Variants in KIAA0319L observed in about 807,000 individuals in gnomAD.
KIAA0319L encodes KIAA0319 like.
A neutral mutation model predicts 120.1 loss-of-function variants in KIAA0319L; 55 were observed. That is an observed-to-expected ratio of 0.46 (90% CI 0.37 to 0.57). The LOEUF (loss-of-function observed/expected upper bound fraction) is 0.57. Among genes scored for constraint, KIAA0319L ranks in the 20% least tolerant of loss-of-function variants. The pLI is 0.00. For synonymous variants in KIAA0319L, 398 were observed against 471.9 expected (o/e 0.84, Z 2.03); for missense variants, 1,049 against 1,255.3 (o/e 0.84, Z 2.48).
intron 2 of KIAA0319L, among the ~76,000 whole-genome samples, chr1:35,519,671 G>A (rs956897141): frequency 6.6e-6 from 1 of 152,050 alleles, no homozygotes; most frequent in East Asian, 1.9e-4. Flanking sequence ...GGATCTATGT[G>A]CTCAAACCAG....
In KIAA0319L at chr1:35,506,518, G is replaced by T; in HGVS notation, c.666+94C>A. The T allele has an allele frequency of 8.1e-7, 1 of 1,238,542 alleles. No individual in the cohort carries two copies. 76.7% of individuals were successfully genotyped at this position (1,238,542 alleles called of 1,614,324 possible). A position where few individuals can be genotyped will look rare whatever the true frequency, so the allele number is the denominator to read the frequency against. Reference sequence around the variant, plus strand: ...TATATATACACTCCTCAGCCTATGAGCACTGCCCGCAAGCATCAGCTTCAT... The same window carrying T: ...TATATATACACTCCTCAGCCTATGATCACTGCCCGCAAGCATCAGCTTCAT... On this transcript the variant is annotated intron_variant, in intron 3 of 20. Coordinates refer to ENST00000325722, the MANE Select transcript of KIAA0319L (RefSeq NM_024874.5). This position sits in a 1 kb window ranked among gnomAD's most constrained non-coding sequence, Gnocchi z 4.0.
At chr1:35,483,464 T>C (rs1310120333) in intron 3 of KIAA0319L, among the ~76,000 whole-genome samples, 1 of 152,232 alleles carries the variant, frequency 6.6e-6, no homozygotes, top group African/African-American at 2.4e-5. Flanking sequence ...CATTATCTAA[T>C]TGTTCTAGCA....
chr1:35,468,253 G>T (rs970013445), intron 6 of KIAA0319L, among the ~76,000 whole-genome samples: 3 of 150,890 alleles, frequency 2.0e-5, no homozygotes, highest in Non-Finnish European at 4.4e-5. Flanking sequence ...TCTTCTTCTT[G>T]GCTTTTACTT....
In KIAA0319L at chr1:35,453,728, C is replaced by T; in HGVS notation, c.1781-39G>A. The T allele has an allele frequency of 6.3e-7, 1 of 1,594,430 alleles. No individual in the cohort carries two copies. The highest frequency in any genetic ancestry group is 8.6e-7 in the Non-Finnish European group (1 of 1,168,816). On this transcript the variant is annotated intron_variant, in intron 11 of 20. Transcript: ENST00000325722. This position sits in a 1 kb window ranked among gnomAD's most constrained non-coding sequence, Gnocchi z 4.1. ...AGTTAGAGGTCAAAAGCAGCCAGTC[C>T]AGGTGGGAAAGGAGAGGAACCAATT...
intron 2 of KIAA0319L, among the ~76,000 whole-genome samples, chr1:35,513,995 T>C (rs1645578275): frequency 6.6e-6 from 1 of 152,218 alleles, no homozygotes; most frequent in Non-Finnish European, 1.5e-5. Context: ...AAATCCCCTC[T>C]AAAACAATTC....
chr1:35,549,855 CA>C (rs1647133506), intron 2 of KIAA0319L, among the ~76,000 whole-genome samples: 2 of 152,148 alleles, frequency 1.3e-5, no homozygotes, highest in African/African-American at 4.8e-5. Flanking sequence ...ATTCAGTCAA[CA>C]AATATTTTAT....
intron 2 of KIAA0319L, among the ~76,000 whole-genome samples, chr1:35,522,709 T>G (rs1558581598): frequency 6.6e-6 from 1 of 151,916 alleles, no homozygotes; most frequent in East Asian, 1.9e-4. Context: ...CCAAAATCTT[T>G]AACATAACTT....
chr1:35,445,305 GAAAC>G (rs765764309), intron 16 of KIAA0319L, among the ~76,000 whole-genome samples: 2 of 152,128 alleles, frequency 1.3e-5, no homozygotes, highest in Non-Finnish European at 1.5e-5. Flanking sequence ...ATCAATTCCA[GAAAC>G]AAACAAACAA....
At chr1:35,531,721 C>T (rs1478645884) in intron 2 of KIAA0319L, among the ~76,000 whole-genome samples, 2 of 152,168 alleles carry the variant, frequency 1.3e-5, no homozygotes, top group Admixed American at 6.5e-5. Flanking sequence ...CCAATCTTGC[C>T]TGGGTTATCC....
At chr1:35,537,564 T>C (rs1646628300) in intron 2 of KIAA0319L, among the ~76,000 whole-genome samples, 1 of 144,512 alleles carries the variant, frequency 6.9e-6, no homozygotes, top group Non-Finnish European at 1.5e-5. Flanking sequence ...AAAGTTTATA[T>C]CAATTTACCC....
intron 3 of KIAA0319L, among the ~76,000 whole-genome samples, chr1:35,479,947 CAAAAAAAAAAAA>C (rs71062878): frequency 1.2e-4 from 4 of 32,292 alleles, no homozygotes; most frequent in Admixed American, 5.0e-4. Flanking sequence ...TATGATGAGC[CAAAAAAAAAAAA>C]AAAAAAAAAA....
chr1:35,435,141 C>T (rs1640681893), intron 20 of KIAA0319L, 60 bp from the exon 21 acceptor site: 3 of 1,476,080 alleles, frequency 2.0e-6, no homozygotes, highest in Non-Finnish European at 2.8e-6. Flanking sequence ...GAGCCACCCC[C>T]ACACCTTACC....
chr1:35,471,895 GTCT>G (rs1643646765), intron 5 of KIAA0319L, among the ~76,000 whole-genome samples: 1 of 152,086 alleles, frequency 6.6e-6, no homozygotes, highest in South Asian at 2.1e-4. Flanking sequence ...GGGAGACAAG[GTCT>G]TCTTCCTTCC....
In KIAA0319L at chr1:35,453,753, T is replaced by A; in HGVS notation, c.1781-64A>T. The A allele has an allele frequency of 6.6e-7, 1 of 1,515,828 alleles. No homozygotes were observed. The highest frequency in any genetic ancestry group is 9.0e-7 in the Non-Finnish European group (1 of 1,116,602). The allele number at this position is 1,515,828 out of a possible 1,614,324, so 93.9% of individuals were successfully genotyped here. A position where few individuals can be genotyped will look rare whatever the true frequency, so the allele number is the denominator to read the frequency against. On this transcript the variant is annotated intron_variant, in intron 11 of 20. Transcript: ENST00000325722. The surrounding 1 kb of genome is among the most constrained non-coding windows in gnomAD (Gnocchi z 4.1). ...CAGGTGGGAAAGGAGAGGAACCAAT[T>A]GGGACACATGTTCTGGAAGCCATGG...
At chr1:35,472,691 A>AC (rs963101794) in intron 5 of KIAA0319L, among the ~76,000 whole-genome samples, 2 of 151,732 alleles carry the variant, frequency 1.3e-5, no homozygotes, top group African/African-American at 4.8e-5. Flanking sequence ...CTGCCTCATC[A>AC]CCCCCAACCT....
At chr1:35,544,617 C>T (rs765411468) in intron 2 of KIAA0319L, among the ~76,000 whole-genome samples, 16 of 152,194 alleles carry the variant, frequency 1.1e-4, no homozygotes, top group Non-Finnish European at 2.2e-4. Flanking sequence ...TTCCAAGGTA[C>T]ATTATCTTTA....
chr1:35,449,135 G>T (rs1246185149), intron 15 of KIAA0319L, among the ~76,000 whole-genome samples: 2 of 152,128 alleles, frequency 1.3e-5, no homozygotes, highest in East Asian at 3.9e-4. Flanking sequence ...CTTCCTAGAG[G>T]CAGGACAAGG....
intron 9 of KIAA0319L, 70 bp downstream of exon 9, chr1:35,460,235 A>G (rs1243609811): frequency 2.4e-6 from 3 of 1,269,482 alleles, no homozygotes; most frequent in Admixed American, 2.0e-5. Context: ...AGTTACTCAT[A>G]TAACAATGTA....
chr1:35,520,780 T>C (rs1014296223), intron 2 of KIAA0319L, among the ~76,000 whole-genome samples: 2 of 152,200 alleles, frequency 1.3e-5, no homozygotes, highest in Non-Finnish European at 2.9e-5. Context: ...ACCTGCTGCA[T>C]GCTGGGAATT....
Sources: allele counts gnomAD v4.1 joint callset (sites outside exome capture counted in the v4.1 genomes callset), GRCh38; gene constraint gnomAD v4.1.1; non-coding constraint Gnocchi (gnomAD v3.1); transcripts MANE v1.5; gene names NCBI Gene and HGNC (gene_info 2026-07-23, HGNC 2026-07-21).